ANKRD17: variants seen among roughly 807,000 people sequenced by gnomAD.
The protein encoded by ANKRD17 is ankyrin repeat domain-containing protein 17.
A neutral mutation model predicts 229.7 loss-of-function variants in ANKRD17; 19 were observed. That is an observed-to-expected ratio of 0.08 (90% CI 0.06 to 0.12). ANKRD17 has a LOEUF of 0.12. Ranked by LOEUF, ANKRD17 falls within the 10% of genes least tolerant of loss-of-function variation. The pLI is 1.00. For missense variants in ANKRD17, 2,176 were observed against 3,176.8 expected (o/e 0.68, Z 7.57); for synonymous variants, 1,112 against 1,146.1 (o/e 0.97, Z 0.60).
rs186377023 is a variant in ANKRD17, at chr4:73,190,569, A to C, written c.394-13036T>G. Among the ~76,000 whole-genome samples the C allele has an allele frequency of 1.5e-3, 233 of 151,360 alleles. 2 individuals are homozygous for C. The highest frequency in any genetic ancestry group is 5.0e-3 in the African/African-American group (207 of 41,420). On this transcript the variant is annotated intron_variant, in intron 1 of 33. Transcript: ENST00000358602. ...CTCCAAAAAAAAAAACAAAACAAAA[A>C]AAAAACAAAAAAAACCTGTAAGGGT...
At chr4:73,174,735 C>G (rs1383360880) in intron 2 of ANKRD17, among the ~76,000 whole-genome samples, 1 of 152,038 alleles carries the variant, frequency 6.6e-6, no homozygotes, top group East Asian at 1.9e-4. Flanking sequence ...TTGCAGGAAA[C>G]AAATCAACAT....
intron 1 of ANKRD17, among the ~76,000 whole-genome samples, chr4:73,248,958 G>C (rs1019349772): frequency 3.3e-5 from 5 of 151,926 alleles, no homozygotes; most frequent in Non-Finnish European, 4.4e-5. Flanking sequence ...ATGGCACAGA[G>C]AAAGAAAGAG....
rs537296342 is a variant in ANKRD17, at chr4:73,073,617, G to A, written c.*2614C>T. Reference sequence around the variant, plus strand: ...TTCCAAAGGAGAAAAATGACTATACGTAGTCATTTACAAAAAAATTAATTT... The same window carrying A: ...TTCCAAAGGAGAAAAATGACTATACATAGTCATTTACAAAAAAATTAATTT... On this transcript the variant is annotated 3_prime_UTR_variant, in exon 34 of 34. Transcript: ENST00000358602. 2.6e-5 allele frequency: 4 copies of A among 151,992 alleles called. No individual in the cohort carries two copies. The East Asian group carries it at 5.8e-4, about 22-fold the overall frequency. The allele number at this position is 151,992 out of a possible 1,614,324, so 9.4% of individuals were successfully genotyped here. A position where few individuals can be genotyped will look rare whatever the true frequency, so the allele number is the denominator to read the frequency against.
intron 25 of ANKRD17, 30 bp from the exon 26 acceptor site, chr4:73,098,550 G>A (rs1659633255): frequency 2.5e-6 from 4 of 1,573,950 alleles, no homozygotes; most frequent in Non-Finnish European, 3.5e-6. Context: ...GAATTAGCAA[G>A]TTCTAAGTGT....
At chr4:73,148,382 G>C (rs541287651) in intron 8 of ANKRD17, among the ~76,000 whole-genome samples, 9 of 152,130 alleles carry the variant, frequency 5.9e-5, no homozygotes, top group Admixed American at 2.0e-4. Flanking sequence ...TAATATGTGC[G>C]CATTCTTGCA....
At chr4:73,244,252 C>T (rs1744290074) in intron 1 of ANKRD17, among the ~76,000 whole-genome samples, 1 of 152,032 alleles carries the variant, frequency 6.6e-6, no homozygotes, top group South Asian at 2.1e-4. Context: ...GTTAGGGCTT[C>T]AAAATATTAA....
chr4:73,157,841 G>A (rs769914840), intron 3 of ANKRD17, among the ~76,000 whole-genome samples: 13 of 152,136 alleles, frequency 8.5e-5, no homozygotes, highest in Admixed American at 2.0e-4. Context: ...TGTAATCCCA[G>A]CACTTTGGGA....
At chr4:73,241,106 C>T (rs1578500795) in intron 1 of ANKRD17, among the ~76,000 whole-genome samples, 5 of 152,138 alleles carry the variant, frequency 3.3e-5, no homozygotes, top group South Asian at 2.1e-4. Flanking sequence ...CCACCGTGCC[C>T]GGCCCAAATT....
At chr4:73,242,052 A>G (rs1192964323) in intron 1 of ANKRD17, among the ~76,000 whole-genome samples, 1 of 152,186 alleles carries the variant, frequency 6.6e-6, no homozygotes, top group Non-Finnish European at 1.5e-5. Flanking sequence ...TAGTAAAACA[A>G]CAGCACTTCC....
chr4:73,123,535 A>G (rs927957912), intron 18 of ANKRD17, among the ~76,000 whole-genome samples: 8 of 152,070 alleles, frequency 5.3e-5, no homozygotes, highest in African/African-American at 1.4e-4. Context: ...CATTCATATA[A>G]TATCTATTCC....
At chr4:73,186,055 A>C (rs1208384903) in intron 1 of ANKRD17, among the ~76,000 whole-genome samples, 1 of 152,020 alleles carries the variant, frequency 6.6e-6, no homozygotes, top group Non-Finnish European at 1.5e-5. Flanking sequence ...TGATAAGCAG[A>C]TTTACACATA....
chr4:73,228,808 A>G (rs967115857), intron 1 of ANKRD17, among the ~76,000 whole-genome samples: 4 of 152,230 alleles, frequency 2.6e-5, no homozygotes, highest in Non-Finnish European at 4.4e-5. Context: ...ATTATAAATC[A>G]TGCTGCTATA....
intron 1 of ANKRD17, among the ~76,000 whole-genome samples, chr4:73,207,475 G>A (rs966685303): frequency 6.6e-6 from 1 of 152,108 alleles, no homozygotes; most frequent in African/African-American, 2.4e-5. Context: ...TTAAAGGGCA[G>A]ATATTGACAG....
intron 1 of ANKRD17, among the ~76,000 whole-genome samples, chr4:73,243,290 G>A (rs1264183310): frequency 6.6e-6 from 1 of 152,200 alleles, no homozygotes; most frequent in African/African-American, 2.4e-5. Flanking sequence ...TTAGCCTAAT[G>A]CTACGTGAAG....
At position 73,175,107 on chromosome 4, in the gene ANKRD17, A is replaced by C. The variant is rs113551793; in HGVS notation, c.547+2273T>G. ...GTCTGTTTTCACATTGCTATAAATA[A>C]CCGAGACAGGGTAATTTATCAAGAA... On this transcript the variant is annotated intron_variant, in intron 2 of 33. Transcript: ENST00000358602. 2.5e-3 allele frequency among the ~76,000 whole-genome samples: 379 copies of C among 152,288 alleles called. 2 individuals carry two copies. Among genetic ancestry groups the C allele is most frequent in the South Asian group, 0.016 (77 of 4,822 alleles).
intron 22 of ANKRD17, among the ~76,000 whole-genome samples, chr4:73,118,012 G>A (rs1726186590): frequency 6.6e-6 from 1 of 151,860 alleles, no homozygotes; most frequent in Non-Finnish European, 1.5e-5. Context: ...GTCAATAATT[G>A]AAATGAAAAC....
At position 73,085,281 on chromosome 4, in the gene ANKRD17, C is replaced by T; in HGVS notation, c.7127G>A (p.Ser2376Asn). The change falls in exon 30 of 34, where the codon AGT becomes AAT. Residue 2376 changes from serine (S) to asparagine (N), a missense_variant. Around this residue, in one of 18 missense-constraint regions of ANKRD17, gnomAD observed 87 missense variants for 116.0 expected, o/e 0.75. Coordinates refer to ENST00000358602, the MANE Select transcript of ANKRD17 (RefSeq NM_032217.5). ...TGCTGATGAACACGGAGTCAACAAA[C>T]TAAGCGGGGAAAAATGTTGTCTGTT... ...NFNRQHFSPL[S>N]LLTPCSSASN... 1 of 1,614,064 alleles carries T rather than the reference C, an allele frequency of 6.2e-7. No individual in the cohort carries two copies. The highest frequency in any genetic ancestry group is 8.5e-7 in the Non-Finnish European group (1 of 1,179,998).
rs1223218805 is a variant in ANKRD17 at position 73,154,016 on chromosome 4, A to G, written c.1098T>C (p.Asn366=). ...CAGCTTCCATAAGAGGGGTATGACCATTTTCATTATGGTCCTCAATACTAG... is the reference window on the plus strand; with the variant it reads ...CAGCTTCCATAAGAGGGGTATGACCGTTTTCATTATGGTCCTCAATACTAG... The part of the protein sequence containing the change: ...SGASIEDHNE[N]GHTPLMEAGS... Residue 366 remains asparagine (N), a synonymous_variant, in exon 6 of 34, where the codon AAT becomes AAC. Coordinates refer to ENST00000358602, the MANE Select transcript of ANKRD17 (RefSeq NM_032217.5). 1 of 1,613,392 alleles carries G rather than the reference A, an allele frequency of 6.2e-7. No individual in the cohort carries two copies. Among genetic ancestry groups the G allele is most frequent in the South Asian group, 1.1e-5 (1 of 91,016 alleles).
chr4:73,105,465 A>T (rs997350871), intron 24 of ANKRD17, among the ~76,000 whole-genome samples: 2 of 152,050 alleles, frequency 1.3e-5, no homozygotes, highest in Non-Finnish European at 2.9e-5. Context: ...TGAAAGGCAT[A>T]ATCAGAGGAA....
Sources: allele counts gnomAD v4.1 joint callset (sites outside exome capture counted in the v4.1 genomes callset), GRCh38; gene constraint gnomAD v4.1.1; regional missense constraint gnomAD v4.1.1; transcripts MANE v1.5; gene names NCBI Gene and HGNC (gene_info 2026-07-23, HGNC 2026-07-21).